The following NXPH1 variants were observed in gnomAD, a reference collection of about 807,000 sequenced individuals.
NXPH1 encodes neurexophilin-1.
In NXPH1, 5 loss-of-function variants were observed where a neutral mutation model predicts 23.7. The ratio of observed to expected loss-of-function variants is 0.21; its 90% CI spans 0.11 to 0.44. The LOEUF is 0.44. Ranked by LOEUF, NXPH1 falls within the 20% of genes least tolerant of loss-of-function variation. The pLI, the probability that NXPH1 is intolerant of heterozygous loss-of-function variation, is 0.99. For synonymous variants in NXPH1, 144 were observed against 122.2 expected (o/e 1.18, Z -1.18); for missense variants, 324 against 321.6 (o/e 1.01, Z -0.06).
At chr7:8,468,933 T>C (rs1317637681) in intron 2 of NXPH1, among the ~76,000 whole-genome samples, 1 of 152,044 alleles carries the variant, frequency 6.6e-6, no homozygotes, top group Non-Finnish European at 1.5e-5. Flanking sequence ...TTTTTAAGAG[T>C]GTTAAATTTT....
chr7:8,487,368 T>G (rs762765089), intron 2 of NXPH1, among the ~76,000 whole-genome samples: 18 of 152,164 alleles, frequency 1.2e-4, no homozygotes, highest in Non-Finnish European at 2.2e-4. Context: ...AGAGTTCCCC[T>G]GCACATGCTC....
At chr7:8,690,999 T>G (rs916105285) in intron 2 of NXPH1, among the ~76,000 whole-genome samples, 1 of 152,298 alleles carries the variant, frequency 6.6e-6, no homozygotes, top group African/African-American at 2.4e-5. Context: ...GACTTCCTTT[T>G]AGTTAACAAT....
intron 2 of NXPH1, among the ~76,000 whole-genome samples, chr7:8,445,680 C>G (rs564717274): frequency 1.3e-5 from 2 of 152,350 alleles, no homozygotes; most frequent in African/African-American, 4.8e-5. Flanking sequence ...TACACATACA[C>G]ATATACACAA....
At position 8,617,724 on chromosome 7, in the gene NXPH1, A is replaced by C. The variant is rs962676353; in HGVS notation, c.55-133284A>C. 2.6e-5 allele frequency among the ~76,000 whole-genome samples: 4 copies of C among 152,144 alleles called. No individual in the cohort carries two copies. The South Asian group carries it at 8.3e-4, about 31-fold the overall frequency. On this transcript the variant is annotated intron_variant, in intron 2 of 2. Transcript: ENST00000405863. ...ATAGAAAGAACAAATAAAACCTACT[A>C]TTTGATAGAACAACAGGGTGACTAT...
intron 2 of NXPH1, among the ~76,000 whole-genome samples, chr7:8,664,644 C>T (rs543202377): frequency 2.2e-4 from 33 of 152,198 alleles, no homozygotes; most frequent in African/African-American, 6.7e-4. Context: ...TATATTCCCA[C>T]GAACAGTATT....
chr7:8,490,192 T>C (rs898562223), intron 2 of NXPH1, among the ~76,000 whole-genome samples: 2 of 152,056 alleles, frequency 1.3e-5, no homozygotes, highest in African/African-American at 4.8e-5. Context: ...TAAAAAATAA[T>C]TTCATGAATG....
At chr7:8,473,635 G>A (rs1191260495) in intron 2 of NXPH1, among the ~76,000 whole-genome samples, 2 of 151,610 alleles carry the variant, frequency 1.3e-5, no homozygotes, top group Admixed American at 6.6e-5. Context: ...TCTCTATGCT[G>A]TGTTTTCTGT....
At chr7:8,440,422 G>A (rs1816278208) in intron 2 of NXPH1, among the ~76,000 whole-genome samples, 2 of 152,110 alleles carry the variant, frequency 1.3e-5, no homozygotes, top group African/African-American at 4.8e-5. Context: ...GTATTTTTTC[G>A]GAAAGCCATT....
At chr7:8,499,741 C>G (rs888443722) in intron 2 of NXPH1, among the ~76,000 whole-genome samples, 1 of 152,046 alleles carries the variant, frequency 6.6e-6, no homozygotes, top group Non-Finnish European at 1.5e-5. Context: ...AATGTCTATT[C>G]CCCGCTATTT....
chr7:8,523,648 G>A (rs1209464848), intron 2 of NXPH1, among the ~76,000 whole-genome samples: 1 of 152,164 alleles, frequency 6.6e-6, no homozygotes, highest in Non-Finnish European at 1.5e-5. Context: ...CGTTTGTAAA[G>A]TAATTTGTAC....
chr7:8,650,763 A>G (rs1204243169), intron 2 of NXPH1, among the ~76,000 whole-genome samples: 2 of 152,192 alleles, frequency 1.3e-5, no homozygotes, highest in Admixed American at 6.5e-5. Flanking sequence ...GACTGGAAAA[A>G]GTGAAATGAC....
At chr7:8,499,795 T>A (rs1335636554) in intron 2 of NXPH1, among the ~76,000 whole-genome samples, 3 of 152,066 alleles carry the variant, frequency 2.0e-5, no homozygotes, top group Non-Finnish European at 4.4e-5. Flanking sequence ...TTCTGAGCAT[T>A]GGCCTCTGCA....
intron 2 of NXPH1, among the ~76,000 whole-genome samples, chr7:8,444,933 G>A (rs909109190): frequency 2.6e-5 from 4 of 152,168 alleles, no homozygotes; most frequent in African/African-American, 9.7e-5. Flanking sequence ...GCCTTTTTAT[G>A]GCATATTGTG....
At chr7:8,469,707 G>T (rs75362138) in intron 2 of NXPH1, among the ~76,000 whole-genome samples, 2,347 of 152,200 alleles carry the variant, frequency 0.015, 34 homozygotes, top group Middle Eastern at 0.062. Flanking sequence ...TGCACACTAT[G>T]ATGAGGGTAA....
At chr7:8,710,982 C>A (rs1331536049) in intron 2 of NXPH1, among the ~76,000 whole-genome samples, 1 of 152,182 alleles carries the variant, frequency 6.6e-6, no homozygotes, top group Non-Finnish European at 1.5e-5. Context: ...TATGATAACA[C>A]AAGGATACTG....
chr7:8,683,801 C>T (rs1057335023), intron 2 of NXPH1, among the ~76,000 whole-genome samples: 4 of 151,966 alleles, frequency 2.6e-5, no homozygotes, highest in East Asian at 1.9e-4. Flanking sequence ...AAGACACTAG[C>T]CTGCTTAATA....
chr7:8,514,139 G>T (rs557250617), intron 2 of NXPH1, among the ~76,000 whole-genome samples: 11 of 152,180 alleles, frequency 7.2e-5, no homozygotes, highest in Non-Finnish European at 1.6e-4. Flanking sequence ...TCCAAATAAA[G>T]TTACATTCTA....
intron 2 of NXPH1, among the ~76,000 whole-genome samples, chr7:8,744,114 T>C (rs10486251): frequency 0.036 from 5,557 of 152,296 alleles, 260 homozygotes; most frequent in East Asian, 0.25. Flanking sequence ...CTTTGTTTAA[T>C]GTTGAAGAAA....
chr7:8,475,827 G>A lies in NXPH1; in HGVS notation c.54+40060G>A, dbSNP rs189580907. On this transcript the variant is annotated intron_variant, in intron 2 of 2. Transcript: ENST00000405863. ...ATTAGGAACACTAAGCCATTTGATT[G>A]AAGTAAAATTTAGTCATATTAAAAA... 1.5e-3 allele frequency among the ~76,000 whole-genome samples: 224 copies of A among 152,228 alleles called. 1 individual carries two copies. Among genetic ancestry groups the A allele is most frequent in the African/African-American group, 5.2e-3 (216 of 41,542 alleles).
Sources: gnomAD v4.1 joint callset for allele counts (sites outside exome capture counted in the v4.1 genomes callset) on GRCh38, gnomAD v4.1.1 for gene constraint, MANE v1.5 for transcripts, NCBI Gene and HGNC (gene_info 2026-07-23, HGNC 2026-07-21) for gene names.